NIN: variants seen among roughly 807,000 people sequenced by gnomAD.
NIN encodes ninein.
Under a neutral mutation model 257.6 loss-of-function variants are expected in NIN, and 137 were observed. The ratio of observed to expected loss-of-function variants is 0.53; its 90% CI spans 0.46 to 0.61. The LOEUF (loss-of-function observed/expected upper bound fraction) is 0.61, where lower values mean the gene tolerates loss of function less well. Ranked by LOEUF, NIN falls within the 20% of genes least tolerant of loss-of-function variation. The pLI, the probability that NIN is intolerant of heterozygous loss-of-function variation, is 0.00. For missense variants in NIN, 2,439 were observed against 2,501.2 expected (o/e 0.98, Z 0.53); for synonymous variants, 918 against 919.8 (o/e 1.00, Z 0.04).
At position 50,741,732 on chromosome 14, in the gene NIN, T is replaced by C. The variant is rs2041293675; in HGVS notation, c.5302-4A>G. 6.2e-7 allele frequency: 1 copy of C among 1,612,856 alleles called. No homozygotes were observed. The highest frequency in any genetic ancestry group is 8.5e-7 in the Non-Finnish European group (1 of 1,179,602). On this transcript the variant is annotated splice_polypyrimidine_tract_variant and splice_region_variant and intron_variant, in intron 24 of 30. Transcript: ENST00000530997. ...CGGTGTCTTCTAAATTCTGAACCTGTATTGTGAGAATGATCTTTTACTGCT... is the reference window on the plus strand; with the variant it reads ...CGGTGTCTTCTAAATTCTGAACCTGCATTGTGAGAATGATCTTTTACTGCT...
rs756698169 is a variant in NIN, at chr14:50,738,241, G to A, written c.5674C>T (p.Leu1892=). The A allele has an allele frequency of 6.2e-7, 1 of 1,614,082 alleles. No homozygotes were observed. The highest frequency in any genetic ancestry group is 8.5e-7 in the Non-Finnish European group (1 of 1,179,982). The change falls in exon 27 of 31, where the codon CTA becomes TTA. Residue 1892 remains leucine, a synonymous_variant. Transcript: ENST00000530997. ...SNLLPKHQKH[L]NPSGTMNPTE... Reference sequence around the variant, plus strand: ...GGATTCATGGTACCTGATGGGTTTAGATGTTTTTGGTGCTTGGGAAGAAGA... The same window carrying A: ...GGATTCATGGTACCTGATGGGTTTAAATGTTTTTGGTGCTTGGGAAGAAGA...
rs1185216050 is a variant in NIN at position 50,757,660 on chromosome 14, C to T, written c.3370G>A (p.Glu1124Lys). The T allele has an allele frequency of 6.2e-7, 1 of 1,614,158 alleles. No individual in the cohort carries two copies. The highest frequency in any genetic ancestry group is 8.5e-7 in the Non-Finnish European group (1 of 1,180,020). The part of the protein sequence containing the change: ...EFFGNTAEQT[E>K]QFLQQNRTKQ... ...GTTCGGTTTTGCTGTAAAAACTGCTCTGTTTGTTCCGCAGTATTTCCAAAA... is the reference window on the plus strand; with the variant it reads ...GTTCGGTTTTGCTGTAAAAACTGCTTTGTTTGTTCCGCAGTATTTCCAAAA... The change falls in exon 18 of 31, where the codon GAG (glutamate) becomes AAG (lysine). Residue 1124 changes from glutamate to lysine, a missense_variant. Around this residue, in one of 3 missense-constraint regions of NIN, gnomAD observed 2,043 missense variants for 2,050.2 expected, o/e 1.00. Coordinates refer to ENST00000530997, the MANE Select transcript of NIN (RefSeq NM_020921.4).
intron 28 of NIN, chr14:50,730,844 A>G (rs1851251955): frequency 1.2e-5 from 14 of 1,133,938 alleles, no homozygotes; most frequent in Non-Finnish European, 1.6e-5. Context: ...AACTGTTACA[A>G]TCAACAGAAA....
At chr14:50,752,803 T>A in intron 20 of NIN, 70 bp from the exon 21 acceptor site, 1 of 814,848 alleles carries the variant, frequency 1.2e-6, no homozygotes, top group Non-Finnish European at 1.9e-6. Flanking sequence ...AAAAACAGAT[T>A]TAGAGACATA....
chr14:50,723,321 T>C lies in NIN; in HGVS notation c.*142A>G. ...TTTCAAACTCCCATAAGGGTCTATT[T>C]AGAAAAACTAATTATGATAAATGGA... On this transcript the variant is annotated 3_prime_UTR_variant, in exon 31 of 31. Coordinates refer to ENST00000530997, the MANE Select transcript of NIN (RefSeq NM_020921.4). The C allele has an allele frequency of 1.6e-6, 1 of 640,142 alleles. No homozygotes were observed. Among genetic ancestry groups the C allele is most frequent in the Admixed American group, 3.0e-5 (1 of 33,352 alleles). The allele number at this position is 640,142 out of a possible 1,614,324, so 39.7% of individuals were successfully genotyped here. A position where few individuals can be genotyped will look rare whatever the true frequency, so the allele number is the denominator to read the frequency against.
chr14:50,785,485 T>C (rs2043308156), intron 5 of NIN, among the ~76,000 whole-genome samples: 1 of 152,244 alleles, frequency 6.6e-6, no homozygotes, highest in Non-Finnish European at 1.5e-5. Context: ...TTTTTGTTTT[T>C]GTTTTTGTTT....
chr14:50,763,050 G>A (rs770033915), intron 15 of NIN, among the ~76,000 whole-genome samples: 1 of 152,030 alleles, frequency 6.6e-6, no homozygotes, highest in African/African-American at 2.4e-5. Flanking sequence ...AGGTCTTAAG[G>A]CCTCTTTGTC....
intron 22 of NIN, among the ~76,000 whole-genome samples, chr14:50,745,717 C>T (rs1333607745): frequency 6.6e-6 from 1 of 152,184 alleles, no homozygotes; most frequent in African/African-American, 2.4e-5. Context: ...GCCTTGTCTT[C>T]CTACCCTCCA....
intron 9 of NIN, among the ~76,000 whole-genome samples, chr14:50,771,751 C>T (rs1477722421): frequency 1.3e-5 from 2 of 151,950 alleles, no homozygotes; most frequent in Non-Finnish European, 2.9e-5. Flanking sequence ...TTTGGGAGGC[C>T]GAGGCATGCG....
chr14:50,770,985 C>T lies in NIN; in HGVS notation c.1126G>A (p.Val376Ile), dbSNP rs2042706676. ...KAEIRHLLER[V>I]DQVVREKEKL... Reference sequence around the variant, plus strand: ...TCTTTTTCTCTGACCACCTGATCAACTCGTTCCCTAGGATCAGAAGTACAC... The same window carrying T: ...TCTTTTTCTCTGACCACCTGATCAATTCGTTCCCTAGGATCAGAAGTACAC... The change falls in exon 11 of 31, where the codon GTT becomes ATT. Residue 376 changes from valine (V) to isoleucine (I), a missense_variant. This residue lies in a region of NIN where 2,043 missense variants were observed against 2,050.2 expected (regional missense o/e 1.00). Coordinates refer to ENST00000530997, the MANE Select transcript of NIN (RefSeq NM_020921.4). 2 of 1,613,694 alleles carry T rather than the reference C, an allele frequency of 1.2e-6. No homozygotes were observed. Among genetic ancestry groups the T allele is most frequent in the Non-Finnish European group, 8.5e-7 (1 of 1,179,850 alleles).
rs953258633 is a variant in NIN, at chr14:50,721,161, T to G, written c.*2302A>C. ...GGTATCTGTATGGTATTTCTCATAT[T>G]GATCTTTTTCCCAATCTCATAAGTG... is the stretch of plus-strand genomic sequence containing the variant. On this transcript the variant is annotated 3_prime_UTR_variant, in exon 31 of 31. Coordinates refer to ENST00000530997, the MANE Select transcript of NIN (RefSeq NM_020921.4). 1 of 200,792 alleles carries G rather than the reference T, an allele frequency of 5.0e-6. No homozygotes were observed. Among genetic ancestry groups the G allele is most frequent in the Non-Finnish European group, 1.0e-5 (1 of 97,442 alleles). The allele number at this position is 200,792 out of a possible 1,614,324, so 12.4% of individuals were successfully genotyped here. A position where few individuals can be genotyped will look rare whatever the true frequency, so the allele number is the denominator to read the frequency against.
intron 7 of NIN, among the ~76,000 whole-genome samples, chr14:50,776,557 G>T (rs2042931093): frequency 6.6e-6 from 1 of 152,066 alleles, no homozygotes; most frequent in Admixed American, 6.5e-5. Flanking sequence ...TTATCCTTCT[G>T]GTCTTCAAAA....
chr14:50,777,215 G>GCTTTTTGAAAATAAATAAATA, intron 6 of NIN, 76 bp from the exon 7 acceptor site: 2 of 1,210,832 alleles, frequency 1.7e-6, no homozygotes, highest in Non-Finnish European at 2.3e-6. Flanking sequence ...AGAAAACTGT[G>GCTTTTTGAAAATAAATAAATA]CTTTTTGAAA....
intron 21 of NIN, among the ~76,000 whole-genome samples, chr14:50,751,637 C>T (rs552263920): frequency 6.6e-6 from 1 of 152,302 alleles, no homozygotes; most frequent in South Asian, 2.1e-4. Flanking sequence ...AGGGATCCTC[C>T]TGCCTCAGCT....
intron 2 of NIN, among the ~76,000 whole-genome samples, chr14:50,829,135 T>C (rs1374695392): frequency 2.0e-5 from 3 of 152,104 alleles, no homozygotes; most frequent in Non-Finnish European, 4.4e-5. Context: ...TAAACAAATC[T>C]GCAAACAAAT....
intron 29 of NIN, 146 bp downstream of exon 29, chr14:50,729,377 C>A (rs529190872): frequency 7.6e-5 from 54 of 709,826 alleles, no homozygotes; most frequent in Non-Finnish European, 1.1e-4. Context: ...TCAAGCGATC[C>A]TCCCGTCTCA....
At chr14:50,734,818 A>G (rs1430496781) in intron 28 of NIN, among the ~76,000 whole-genome samples, 1 of 151,132 alleles carries the variant, frequency 6.6e-6, no homozygotes, top group Non-Finnish European at 1.5e-5. Context: ...CTGGGACTAC[A>G]GGTACGTGCC....
chr14:50,802,224 C>T (rs1041591183), intron 4 of NIN, among the ~76,000 whole-genome samples: 1 of 152,160 alleles, frequency 6.6e-6, no homozygotes, highest in Non-Finnish European at 1.5e-5. Flanking sequence ...CAAAAGACTT[C>T]CTACATCCCA....
chr14:50,766,640 A>G (rs2141727198), intron 13 of NIN, 140 bp downstream of exon 13: 1 of 659,848 alleles, frequency 1.5e-6, no homozygotes, highest in East Asian at 2.7e-5. Context: ...AGTAAATTAT[A>G]TCCCTACAAA....
Sources: gnomAD v4.1 joint callset for allele counts (sites outside exome capture counted in the v4.1 genomes callset) on GRCh38, gnomAD v4.1.1 for gene constraint, gnomAD v4.1.1 regional missense constraint, MANE v1.5 for transcripts, NCBI Gene and HGNC (gene_info 2026-07-23, HGNC 2026-07-21) for gene names.